Variants in IGF2BP1 observed in about 807,000 individuals in gnomAD.
The protein encoded by IGF2BP1 is insulin like growth factor 2 mRNA binding protein 1, also known as insulin-like growth factor 2 mRNA-binding protein 1.
In IGF2BP1, 11 loss-of-function variants were observed where a neutral mutation model predicts 74.9. The observed-to-expected ratio is 0.15, with a 90% CI of 0.09 to 0.24. The LOEUF (loss-of-function observed/expected upper bound fraction) is 0.24, where lower values mean the gene tolerates loss of function less well. IGF2BP1 is among the 10% of genes least tolerant of loss of function. The probability of loss-of-function intolerance (pLI) is 1.00; values close to 1 mark genes in which losing one functional copy is unlikely to be tolerated. For missense variants in IGF2BP1, 440 were observed against 757.4 expected, an observed-to-expected ratio of 0.58 and a Z score of 4.92; for synonymous variants, 287 against 281.8, an observed-to-expected ratio of 1.02 and a Z score of -0.18.
At chr17:49,034,606 T>C (rs1161971320) in intron 5 of IGF2BP1, among the ~76,000 whole-genome samples, 2 of 151,466 alleles carry the variant, frequency 1.3e-5, no homozygotes, top group Admixed American at 6.6e-5. Context: ...CTGGGCATGG[T>C]GGCACATGCC....
At chr17:48,998,062 C>G (rs1353090540) in intron 1 of IGF2BP1, 142 bp downstream of exon 1, 28 of 771,280 alleles carry the variant, frequency 3.6e-5, no homozygotes, top group Non-Finnish European at 4.9e-5. Context: ...CGACCTACCC[C>G]CTTCGATGCC....
intron 3 of IGF2BP1, among the ~76,000 whole-genome samples, 191 bp downstream of exon 3, chr17:49,025,857 C>CTTTTTTTTT (rs797001122): frequency 2.1e-5 from 2 of 94,616 alleles, no homozygotes; most frequent in Non-Finnish European, 2.5e-5. Context: ...TCTTTTCTTT[C>CTTTTTTTTT]TTTTTTTTTT....
rs2042225185 is a variant in IGF2BP1 at position 49,055,901 on chromosome 17, AAATTGTATT to A, written c.*6458_*6466del. ...TATTCTGTAATTGCGGCAACTTTGA[AAATTGTATT>A]TTACTGGAAATCTGCCAGCCATCAC... On this transcript the variant is annotated 3_prime_UTR_variant, in exon 15 of 15. Transcript: ENST00000290341. Among the ~76,000 whole-genome samples, 1 of 149,154 alleles carries A rather than the reference AAATTGTATT, an allele frequency of 6.7e-6. No homozygotes were observed. Among genetic ancestry groups the A allele is most frequent in the African/African-American group, 2.5e-5 (1 of 39,930 alleles).
chr17:49,043,234 T>C (rs1248570751), intron 9 of IGF2BP1, among the ~76,000 whole-genome samples, 194 bp from the exon 10 acceptor site: 1 of 152,226 alleles, frequency 6.6e-6, no homozygotes, highest in Non-Finnish European at 1.5e-5. Context: ...GAACATCATA[T>C]CACTTAAAAT....
At chr17:49,034,765 C>CAACAACA (rs1567822986) in intron 5 of IGF2BP1, among the ~76,000 whole-genome samples, 5 of 137,592 alleles carry the variant, frequency 3.6e-5, no homozygotes, top group African/African-American at 1.1e-4. Context: ...ACAAAAAAAA[C>CAACAACA]AAAAAAAACG....
At chr17:49,031,663 C>T (rs1021657360) in intron 4 of IGF2BP1, among the ~76,000 whole-genome samples, 1 of 151,878 alleles carries the variant, frequency 6.6e-6, no homozygotes, top group African/African-American at 2.4e-5. Context: ...CGTGCCACTA[C>T]GCCCGGCTAC....
At chr17:49,032,278 C>T (rs904781201) in intron 5 of IGF2BP1, among the ~76,000 whole-genome samples, 1 of 152,142 alleles carries the variant, frequency 6.6e-6, no homozygotes, top group Non-Finnish European at 1.5e-5. Flanking sequence ...GAGAAAATGT[C>T]CCCTGCTGAT....
intron 2 of IGF2BP1, among the ~76,000 whole-genome samples, chr17:49,000,832 C>G (rs2041480386): frequency 2.6e-5 from 4 of 152,100 alleles, no homozygotes; most frequent in African/African-American, 9.6e-5. Context: ...TTTCCCCAAG[C>G]CATCTGCTTG....
chr17:49,014,351 C>G (rs1258463001), intron 2 of IGF2BP1, among the ~76,000 whole-genome samples: 1 of 150,454 alleles, frequency 6.6e-6, no homozygotes, highest in Admixed American at 6.6e-5. Flanking sequence ...CCTCAGTGGC[C>G]CGCTCTGCTG....
Position 49,043,501 on chromosome 17 carries a change from C to T in IGF2BP1, c.1151C>T (p.Pro384Leu), listed in dbSNP as rs769324443. 1.3e-5 allele frequency: 21 copies of T among 1,613,988 alleles called. No homozygotes were observed. The highest frequency in any genetic ancestry group is 4.5e-5 in the East Asian group (2 of 44,882). Reference protein sequence around the residue: ...GLFPASSSAVPPPPSSVTGAA... With the variant: ...GLFPASSSAVLPPPSSVTGAA... ...TTCCCAGCTTCATCCAGCGCAGTCC[C>T]GCCGCCTCCCAGCAGCGTTACTGGG... The change falls in exon 10 of 15, where the codon CCG becomes CTG. Residue 384 changes from proline (P) to leucine (L), a missense_variant. By Grantham distance (98) the Pro-to-Leu change is moderately conservative. This residue lies in a region of IGF2BP1 where 31 missense variants were observed against 27.0 expected (regional missense o/e 1.15). Transcript: ENST00000290341.
Position 49,039,961 on chromosome 17 carries a change from G to A in IGF2BP1, c.688G>A (p.Asp230Asn). Residue 230 changes from aspartate (D) to asparagine (N), a missense_variant, in exon 7 of 15, where the codon GAC (aspartate) becomes AAC (asparagine). Transcript: ENST00000290341. The part of the protein sequence containing the change: ...NITKQTQSKI[D>N]VHRKENAGAA... ...CCTTGTCCTTGTGGCCCCCAGGATA[G>A]ACGTGCATAGGAAGGAGAACGCAGG... is the stretch of plus-strand genomic sequence containing the variant. The A allele has an allele frequency of 6.2e-7, 1 of 1,612,538 alleles. No individual in the cohort carries two copies. The highest frequency in any genetic ancestry group is 8.5e-7 in the Non-Finnish European group (1 of 1,180,014).
intron 10 of IGF2BP1, among the ~76,000 whole-genome samples, 199 bp downstream of exon 10, chr17:49,043,749 G>A (rs1232859826): frequency 6.6e-6 from 1 of 152,110 alleles, no homozygotes; most frequent in African/African-American, 2.4e-5. Flanking sequence ...ATGCTCCCGG[G>A]GCATAGACAG....
At position 49,043,364 on chromosome 17, in the gene IGF2BP1, C is replaced by T. The variant is rs781023978; in HGVS notation, c.1078-64C>T. 94 of 1,589,904 alleles carry T rather than the reference C, an allele frequency of 5.9e-5. 1 individual carries two copies. In the Middle Eastern group the frequency reaches 6.3e-4, roughly 11 times the overall value. ...CTGGGGCTACTCGCCTTTTATACAGCGGGGGTCACACACAAGCCCCTGTCA... is the reference window on the plus strand; with the variant it reads ...CTGGGGCTACTCGCCTTTTATACAGTGGGGGTCACACACAAGCCCCTGTCA... On this transcript the variant is annotated intron_variant, in intron 9 of 14. Transcript: ENST00000290341.
At position 49,049,483 on chromosome 17, in the gene IGF2BP1, G is replaced by A. The variant is rs576856721; in HGVS notation, c.*39G>A. The A allele has an allele frequency of 2.9e-5, 45 of 1,567,872 alleles. No individual in the cohort carries two copies. In the South Asian group the frequency reaches 4.2e-4, roughly 15 times the overall value. On this transcript the variant is annotated 3_prime_UTR_variant, in exon 15 of 15. Transcript: ENST00000290341. Reference sequence around the variant, plus strand: ...GTCCCTTCGAGTCCAGGACAACAACGGGCAGAAATCGAGAGTGTGCTCTCC... The same window carrying A: ...GTCCCTTCGAGTCCAGGACAACAACAGGCAGAAATCGAGAGTGTGCTCTCC...
At chr17:49,032,006 T>TGGGGGGGGGGGGGGGGGG in intron 5 of IGF2BP1, 33 bp downstream of exon 5, 1 of 899,380 alleles carries the variant, frequency 1.1e-6, no homozygotes, top group Non-Finnish European at 1.8e-6. Context: ...CTGGGTGCGG[T>TGGGGGGGGGGGGGGGGGG]GGGGGGGGGT....
At chr17:49,014,683 C>G in intron 2 of IGF2BP1, 1 of 741,706 alleles carries the variant, frequency 1.3e-6, no homozygotes, top group Non-Finnish European at 1.6e-6. Flanking sequence ...TAGGGGGAGA[C>G]GCGGATCCCT....
intron 2 of IGF2BP1, among the ~76,000 whole-genome samples, chr17:49,010,115 C>A (rs1015825116): frequency 6.6e-6 from 1 of 152,040 alleles, no homozygotes; most frequent in Non-Finnish European, 1.5e-5. Context: ...AAAAAACATT[C>A]ACATTGTTGT....
At chr17:49,039,276 G>A (rs1050196975) in intron 6 of IGF2BP1, among the ~76,000 whole-genome samples, 31 of 151,948 alleles carry the variant, frequency 2.0e-4, no homozygotes, top group African/African-American at 7.5e-4. Flanking sequence ...TTGAGTTTGG[G>A]GCACTGTGTC....
At chr17:49,013,324 A>C (rs2041644785) in intron 2 of IGF2BP1, among the ~76,000 whole-genome samples, 1 of 151,904 alleles carries the variant, frequency 6.6e-6, no homozygotes, top group Non-Finnish European at 1.5e-5. Context: ...CCGGGAGGAG[A>C]GCCTTCTTTC....
Sources: allele counts gnomAD v4.1 joint callset (sites outside exome capture counted in the v4.1 genomes callset), GRCh38; gene constraint gnomAD v4.1.1; regional missense constraint gnomAD v4.1.1; transcripts MANE v1.5; gene names NCBI Gene and HGNC (gene_info 2026-07-23, HGNC 2026-07-21).